The following WT1 variants were observed in gnomAD, a reference collection of about 807,000 sequenced individuals.
WT1 encodes the protein Wilms tumor protein.
In WT1, 8 loss-of-function variants were observed where a neutral mutation model predicts 60.8. The ratio of observed to expected loss-of-function variants is 0.13; its 90% CI spans 0.08 to 0.24. The LOEUF is 0.24. WT1 is among the 10% of genes least tolerant of loss of function. The probability of loss-of-function intolerance (pLI) is 1.00; values close to 1 mark genes in which losing one functional copy is unlikely to be tolerated. For missense variants in WT1, 568 were observed against 711.8 expected, an observed-to-expected ratio of 0.80 and a Z score of 2.30; for synonymous variants, 312 against 297.1, an observed-to-expected ratio of 1.05 and a Z score of -0.52.
At position 32,400,061 on chromosome 11, in the gene WT1, G is replaced by A. The variant is rs771170643; in HGVS notation, c.1017-17C>T. On this transcript the variant is annotated splice_polypyrimidine_tract_variant and intron_variant, in intron 5 of 9. Coordinates refer to ENST00000452863, the MANE Select transcript of WT1 (RefSeq NM_024426.6). ...GTGCTGTGGCTGCAAACACAAAGAA[G>A]GGAAAAAGGCTCAGTGTGGCTCACA... The A allele has an allele frequency of 6.2e-7, 1 of 1,613,902 alleles. No homozygotes were observed. Among genetic ancestry groups the A allele is most frequent in the Admixed American group, 1.7e-5 (1 of 60,008 alleles).
At position 32,392,651 on chromosome 11, in the gene WT1, A is replaced by C. The variant is rs747790701; in HGVS notation, c.1354+15T>G. ...GGGAACACAGCTGCCAGCAATGAGA[A>C]GTGAACCTACAAACCTGTATGTCTC... On this transcript the variant is annotated intron_variant, in intron 8 of 9. Coordinates refer to ENST00000452863, the MANE Select transcript of WT1 (RefSeq NM_024426.6). The C allele has an allele frequency of 6.2e-7, 1 of 1,613,480 alleles. No individual in the cohort carries two copies. The highest frequency in any genetic ancestry group is 8.5e-7 in the Non-Finnish European group (1 of 1,179,410).
intron 3 of WT1, among the ~76,000 whole-genome samples, chr11:32,421,155 T>C (rs1852841955): frequency 6.6e-6 from 1 of 152,188 alleles, no homozygotes; most frequent in South Asian, 2.1e-4. Context: ...CTAAAAATAC[T>C]GGGCCGAAGC....
chr11:32,427,881 G>T (rs1853109463), intron 3 of WT1, 75 bp downstream of exon 3: 1 of 1,447,400 alleles, frequency 6.9e-7, no homozygotes, highest in South Asian at 1.3e-5. Context: ...CGGCTGGGGC[G>T]TTCCCAAGTC....
rs1001281441 is a variant in WT1 at position 32,388,205 on chromosome 11, A to T, written c.*853T>A. 1.3e-5 allele frequency: 3 copies of T among 233,654 alleles called. No individual in the cohort carries two copies. The highest frequency in any genetic ancestry group is 4.4e-5 in the African/African-American group (2 of 45,340). 14.5% of individuals were successfully genotyped at this position (233,654 alleles called of 1,614,324 possible). Reference sequence around the variant, plus strand: ...ACTTTCATTTTTACAACTTGAAGCCATATACCAGCATGGTTTTTATACACT... The same window carrying T: ...ACTTTCATTTTTACAACTTGAAGCCTTATACCAGCATGGTTTTTATACACT... On this transcript the variant is annotated 3_prime_UTR_variant, in exon 10 of 10. Transcript: ENST00000452863.
At chr11:32,395,765 T>C (rs1032382703) in intron 7 of WT1, among the ~76,000 whole-genome samples, 3 of 152,106 alleles carry the variant, frequency 2.0e-5, no homozygotes, top group African/African-American at 7.2e-5. Context: ...ACTGACCTTT[T>C]TTTTTTAAGT....
At chr11:32,401,454 C>T (rs765051440) in intron 5 of WT1, among the ~76,000 whole-genome samples, 2 of 151,328 alleles carry the variant, frequency 1.3e-5, no homozygotes, top group African/African-American at 4.9e-5. Flanking sequence ...CACTCTAAAT[C>T]GGTGAATCAT....
intron 5 of WT1, 124 bp from the exon 6 acceptor site, chr11:32,400,168 G>T: frequency 8.0e-7 from 1 of 1,246,376 alleles, no homozygotes; most frequent in Non-Finnish European, 1.1e-6. Flanking sequence ...GTTGGTTTTT[G>T]CCTCCCTCCA....
intron 5 of WT1, among the ~76,000 whole-genome samples, chr11:32,408,238 C>T (rs1158977386): frequency 2.1e-5 from 3 of 144,896 alleles, no homozygotes; most frequent in Admixed American, 7.0e-5. Context: ...AAATGCTGGG[C>T]GCAGTGGCTC....
chr11:32,430,919 G>T, intron 1 of WT1: 1 of 1,059,672 alleles, frequency 9.4e-7, no homozygotes, highest in East Asian at 4.6e-5. Flanking sequence ...CGCGGAGAGT[G>T]CGGGGGCAGG....
chr11:32,434,105 A>G (rs1160312277), intron 1 of WT1, among the ~76,000 whole-genome samples: 1 of 152,250 alleles, frequency 6.6e-6, no homozygotes, highest in Non-Finnish European at 1.5e-5. Flanking sequence ...ACGCTGTTCC[A>G]GAAAGCCATT....
chr11:32,405,687 G>A (rs747278620), intron 5 of WT1, among the ~76,000 whole-genome samples: 8 of 152,084 alleles, frequency 5.3e-5, no homozygotes, highest in South Asian at 2.1e-4. Flanking sequence ...AGCACTTCCC[G>A]CATCAGACTG....
rs114684990 is a variant in WT1, at chr11:32,400,740, C to T, written c.1017-696G>A. On this transcript the variant is annotated intron_variant, in intron 5 of 9. Coordinates refer to ENST00000452863, the MANE Select transcript of WT1 (RefSeq NM_024426.6). ...GCTGAAAAGGACAACTTGAAAGGAA[C>T]GAATGTTCTGTTCTAAAATTATTCT... The T allele has an allele frequency of 8.1e-3, 1,285 of 159,436 alleles. 15 individuals are homozygous for T. Among genetic ancestry groups the T allele is most frequent in the African/African-American group, 0.029 (1,219 of 41,598 alleles). 9.9% of individuals were successfully genotyped at this position (159,436 alleles called of 1,614,324 possible). A position where few individuals can be genotyped will look rare whatever the true frequency, so the allele number is the denominator to read the frequency against.
chr11:32,427,880 C>T (rs1159108383), intron 3 of WT1, 76 bp downstream of exon 3: 5 of 1,426,342 alleles, frequency 3.5e-6, no homozygotes, highest in African/African-American at 2.8e-5. Context: ...CCGGCTGGGG[C>T]GTTCCCAAGT....
At chr11:32,422,306 C>G (rs1397413932) in intron 3 of WT1, among the ~76,000 whole-genome samples, 1 of 152,224 alleles carries the variant, frequency 6.6e-6, no homozygotes, top group Admixed American at 6.5e-5. Flanking sequence ...TTGGTCAGCA[C>G]AAAAGTTACA....
At chr11:32,408,987 A>G (rs1852412062) in intron 5 of WT1, among the ~76,000 whole-genome samples, 1 of 152,238 alleles carries the variant, frequency 6.6e-6, no homozygotes, top group East Asian at 1.9e-4. Context: ...GTTATGCCAC[A>G]GTGCTTAGGT....
intron 5 of WT1, among the ~76,000 whole-genome samples, chr11:32,408,142 G>A (rs1353820681): frequency 6.7e-6 from 1 of 150,218 alleles, no homozygotes; most frequent in African/African-American, 2.5e-5. Flanking sequence ...GGAATCGCTT[G>A]AACCAGGGAG....
intron 5 of WT1, 54 bp from the exon 6 acceptor site, chr11:32,400,098 G>T (rs1852107437): frequency 1.3e-6 from 2 of 1,591,592 alleles, no homozygotes; most frequent in African/African-American, 2.7e-5. Context: ...TCGCCATTTG[G>T]AAATGCTTAT....
intron 3 of WT1, among the ~76,000 whole-genome samples, chr11:32,419,809 T>C (rs1852795787): frequency 6.6e-6 from 1 of 152,248 alleles, no homozygotes; most frequent in African/African-American, 2.4e-5. Flanking sequence ...TTCTCCTGCC[T>C]CAGCCACCCA....
chr11:32,420,220 T>C (rs2133046033), intron 3 of WT1, among the ~76,000 whole-genome samples: 1 of 152,364 alleles, frequency 6.6e-6, no homozygotes, highest in East Asian at 1.9e-4. Context: ...TTTTTGAATG[T>C]GGTTACTAGC....
Sources: gnomAD v4.1 joint callset for allele counts (sites outside exome capture counted in the v4.1 genomes callset) on GRCh38, gnomAD v4.1.1 for gene constraint, MANE v1.5 for transcripts, NCBI Gene and HGNC (gene_info 2026-07-23, HGNC 2026-07-21) for gene names.